CEP131: variants seen among roughly 807,000 people sequenced by gnomAD.
CEP131 encodes centrosomal protein of 131 kDa.
In CEP131, 99 loss-of-function variants were observed where a neutral mutation model predicts 136.8. That is an observed-to-expected ratio of 0.72 (90% CI 0.62 to 0.86). CEP131 has a LOEUF of 0.86. CEP131 is among the 40% of genes least tolerant of loss of function. The pLI, the probability that CEP131 is intolerant of heterozygous loss-of-function variation, is 0.00. For synonymous variants in CEP131, 646 were observed against 612.7 expected (o/e 1.05, Z -0.80); for missense variants, 1,459 against 1,463.0 (o/e 1.00, Z 0.04).
chr17:81,191,976 C>T (rs867842367), intron 21 of CEP131, among the ~76,000 whole-genome samples: 1 of 152,094 alleles, frequency 6.6e-6, no homozygotes, highest in African/African-American at 2.4e-5. Context: ...AAGGGGGGAG[C>T]CCCTGTTGTG....
intron 15 of CEP131, among the ~76,000 whole-genome samples, 181 bp downstream of exon 15, chr17:81,196,519 GT>G (rs2061758342): frequency 2.0e-5 from 3 of 152,240 alleles, no homozygotes; most frequent in Non-Finnish European, 4.4e-5. Flanking sequence ...AAAGACAGGA[GT>G]GCCCTCTCCA....
chr17:81,218,244 T>C (rs2062299280), intron 2 of CEP131, among the ~76,000 whole-genome samples: 1 of 152,196 alleles, frequency 6.6e-6, no homozygotes, highest in Non-Finnish European at 1.5e-5. Context: ...GGTTTCACTA[T>C]GTTGGCCAGG....
In CEP131 at chr17:81,192,332, G is replaced by A. The variant is rs565585486; in HGVS notation, c.2608C>T (p.Arg870Cys). The change falls in exon 21 of 26, where the codon CGC becomes TGC. Residue 870 changes from arginine (R) to cysteine (C), a missense_variant. Around this residue, in one of 3 missense-constraint regions of CEP131, gnomAD observed 1,026 missense variants for 964.2 expected, o/e 1.06. Transcript: ENST00000450824. ...CAGGCCCCCACCTCCTTCCTGGTGC[G>A]GCCGGCCTCCCACGCCTGCCTCTCC... ...ELERQAWEAG[R>C]TRKEEAWLLN... 3.4e-5 allele frequency: 53 copies of A among 1,561,088 alleles called. No individual in the cohort carries two copies. Among genetic ancestry groups the A allele is most frequent in the African/African-American group, 2.0e-4 (15 of 73,550 alleles).
At chr17:81,207,104 G>T in intron 4 of CEP131, 21 bp downstream of exon 4, 4 of 1,602,002 alleles carry the variant, frequency 2.5e-6, no homozygotes, top group Non-Finnish European at 3.4e-6. Flanking sequence ...CCAGGACGTG[G>T]GGCCGCATGC....
At chr17:81,198,739 C>A in intron 11 of CEP131, 138 bp downstream of exon 11, 1 of 813,596 alleles carries the variant, frequency 1.2e-6, no homozygotes, top group South Asian at 1.7e-5. Context: ...AAGACACCTC[C>A]TGGGTGGCCT....
At chr17:81,222,267 C>T (rs997994060) in intron 1 of CEP131, among the ~76,000 whole-genome samples, 3 of 151,588 alleles carry the variant, frequency 2.0e-5, no homozygotes, top group African/African-American at 7.2e-5. Context: ...GGACTGATGA[C>T]CAGCGCCAGG....
intron 7 of CEP131, 70 bp downstream of exon 7, chr17:81,202,170 C>A: frequency 1.2e-6 from 1 of 825,522 alleles, no homozygotes; most frequent in Non-Finnish European, 1.7e-6. Context: ...GTGAGCCCCC[C>A]AGACCCTGAT....
intron 1 of CEP131, among the ~76,000 whole-genome samples, chr17:81,221,111 C>G (rs1278270693): frequency 2.5e-5 from 3 of 122,256 alleles, no homozygotes; most frequent in Non-Finnish European, 1.6e-5. Flanking sequence ...GGCAACATAG[C>G]GAGACTCCAT....
intron 18 of CEP131, 25 bp from the exon 19 acceptor site, chr17:81,192,868 TCGGGGGC>T: frequency 6.3e-7 from 1 of 1,590,140 alleles, no homozygotes. Context: ...GGACTGGCTC[TCGGGGGC>T]CGGGACGGGC....
rs770633934 is a variant in CEP131, at chr17:81,197,688, G to A, written c.1647+24C>T. On this transcript the variant is annotated intron_variant, in intron 13 of 25. Coordinates refer to ENST00000450824, the MANE Select transcript of CEP131 (RefSeq NM_014984.4). ...GAGGGGCCTCCTCCCACTGGGGGCC[G>A]GGTGCGGGCTGGTGAGGGGCCACCT... The A allele has an allele frequency of 5.2e-5, 83 of 1,591,798 alleles. No individual in the cohort carries two copies. The South Asian group carries it at 7.5e-4, about 14-fold the overall frequency.
rs571313083 is a variant in CEP131, at chr17:81,200,319, C to T, written c.906+10G>A. 1.9e-6 allele frequency: 3 copies of T among 1,598,974 alleles called. No homozygotes were observed. The East Asian group carries it at 6.8e-5, about 36-fold the overall frequency. On this transcript the variant is annotated intron_variant, in intron 8 of 25. Coordinates refer to ENST00000450824, the MANE Select transcript of CEP131 (RefSeq NM_014984.4). Reference sequence around the variant, plus strand: ...GGGGAGCATGGAGTGACTGAGACGCCCACACTGACCTCCCGCTTGGCCTGA... The same window carrying T: ...GGGGAGCATGGAGTGACTGAGACGCTCACACTGACCTCCCGCTTGGCCTGA...
Position 81,209,019 on chromosome 17 carries a change from C to A in CEP131, c.181G>T (p.Ala61Ser). 1 of 1,610,270 alleles carries A rather than the reference C, an allele frequency of 6.2e-7. No individual in the cohort carries two copies. Reference protein sequence around the residue: ...GSEQKRKVLEATGPGGSQAIN... With the variant: ...GSEQKRKVLESTGPGGSQAIN... ...GCCTGGGAGCCCCCAGGCCCTGTGG[C>A]CTCCTGCAAAAAGGGAGAAAACAGT... The change falls in exon 3 of 26, where the codon GCC becomes TCC. Residue 61 changes from alanine (A) to serine (S), a missense_variant. Coordinates refer to ENST00000450824, the MANE Select transcript of CEP131 (RefSeq NM_014984.4).
In CEP131 at chr17:81,192,758, G is replaced by A. The variant is rs757399853; in HGVS notation, c.2407C>T (p.Arg803Trp). 2.9e-5 allele frequency: 46 copies of A among 1,586,990 alleles called. No individual in the cohort carries two copies. Among genetic ancestry groups the A allele is most frequent in the Admixed American group, 6.7e-5 (4 of 59,934 alleles). ...CACCTGGCTGCCTGCTGGCCCAGCC[G>A]CTCCCTCTCCTCAGCCACCTCACTG... ...LYSEVAEERE[R>W]LGQQAARQRA... The change falls in exon 19 of 26, where the codon CGG (arginine) becomes TGG (tryptophan). Residue 803 changes from arginine (R) to tryptophan (W), a missense_variant. Coordinates refer to ENST00000450824, the MANE Select transcript of CEP131 (RefSeq NM_014984.4).
Position 81,192,739 on chromosome 17 carries a change from G to A in CEP131, c.2426C>T (p.Ala809Val), listed in dbSNP as rs1274400407. ...GCGTGGTGCCCCCGGGCGGCACCTG[G>A]CTGCCTGCTGGCCCAGCCGCTCCCT... ...EERERLGQQA[A>V]RQRAELEELR... is the part of the protein sequence containing the mutation. Residue 809 changes from alanine to valine, a missense_variant, in exon 19 of 26, where the codon GCC becomes GTC. Physicochemically the swap from Ala to Val is moderately conservative, Grantham distance 64. Around this residue, in one of 3 missense-constraint regions of CEP131, gnomAD observed 1,026 missense variants for 964.2 expected, o/e 1.06. Transcript: ENST00000450824. 1 of 1,573,710 alleles carries A rather than the reference G, an allele frequency of 6.4e-7. No individual in the cohort carries two copies. The highest frequency in any genetic ancestry group is 8.6e-7 in the Non-Finnish European group (1 of 1,159,282).
intron 24 of CEP131, 72 bp from the exon 25 acceptor site, chr17:81,190,047 G>T: frequency 4.4e-6 from 6 of 1,376,188 alleles, no homozygotes; most frequent in Non-Finnish European, 5.9e-6. Context: ...CAGTGCACAG[G>T]GTGCACGGGG....
intron 16 of CEP131, 103 bp downstream of exon 16, chr17:81,195,732 G>T (rs1350363259): frequency 2.9e-6 from 3 of 1,024,098 alleles, no homozygotes; most frequent in Non-Finnish European, 4.4e-6. Context: ...CACCGAGACA[G>T]GAATGAGGAC....
chr17:81,197,912 G>A (rs1365117916), intron 12 of CEP131, 24 bp from the exon 13 acceptor site: 15 of 1,602,368 alleles, frequency 9.4e-6, no homozygotes, highest in Middle Eastern at 1.7e-4. Flanking sequence ...GCCCAGCATC[G>A]GGGGCTGTCA....
chr17:81,205,430 GA>G lies in CEP131; in HGVS notation c.515+1313del, dbSNP rs1567868874. On this transcript the variant is annotated intron_variant, in intron 5 of 25. Transcript: ENST00000450824. ...GGGTGGGGGGTAGGAGGGGCAGCGG[GA>G]TGGGGGTAGGAGGGGTGGGGGGGTA... Among the ~76,000 whole-genome samples, 10 of 73,666 alleles carry G rather than the reference GA, an allele frequency of 1.4e-4. 1 individual carries two copies. Among genetic ancestry groups the G allele is most frequent in the African/African-American group, 7.4e-4 (10 of 13,544 alleles). The allele number at this position is 73,666 out of a possible 152,430, so 48.3% of individuals were successfully genotyped here.
Position 81,215,977 on chromosome 17 carries a change from G to A in CEP131, c.177+3903C>T, listed in dbSNP as rs553190898. ...GCAGCGGCCCACACCCGTAATCCCA[G>A]CACTTTGGGAGGCCGAGGTGGGAGG... On this transcript the variant is annotated intron_variant, in intron 2 of 25. Coordinates refer to ENST00000450824, the MANE Select transcript of CEP131 (RefSeq NM_014984.4). The surrounding 1 kb of genome is among the most constrained non-coding windows in gnomAD (Gnocchi z 4.1). Among the ~76,000 whole-genome samples the A allele has an allele frequency of 7.9e-5, 12 of 152,230 alleles. No individual in the cohort carries two copies. The highest frequency in any genetic ancestry group is 2.6e-4 in the African/African-American group (11 of 41,544).
Sources: allele counts gnomAD v4.1 joint callset (sites outside exome capture counted in the v4.1 genomes callset), GRCh38; gene constraint gnomAD v4.1.1; regional missense constraint gnomAD v4.1.1; non-coding constraint Gnocchi (gnomAD v3.1); transcripts MANE v1.5; gene names NCBI Gene and HGNC (gene_info 2026-07-23, HGNC 2026-07-21).